NELL2: variants seen among roughly 807,000 people sequenced by gnomAD.
NELL2 encodes the protein protein kinase C-binding protein NELL2.
NELL2 carries 41 observed loss-of-function variants against 109.6 expected under a neutral mutation model. The observed-to-expected ratio is 0.37, with a 90% CI of 0.29 to 0.49. NELL2 has a LOEUF of 0.49. Among genes scored for constraint, NELL2 ranks in the 20% least tolerant of loss-of-function variants. The pLI is 0.98. For synonymous variants in NELL2, 355 were observed against 344.7 expected (o/e 1.03, Z -0.33); for missense variants, 900 against 1,008.3 (o/e 0.89, Z 1.45).
chr12:44,906,686 G>T (rs2703055), intron 1 of NELL2, among the ~76,000 whole-genome samples: 3,695 of 152,100 alleles, frequency 0.024, 163 homozygotes, highest in African/African-American at 0.084. Context: ...AATTCACTGA[G>T]ATGAAAAAAC....
At chr12:44,869,427 C>T (rs1945100912) in intron 2 of NELL2, among the ~76,000 whole-genome samples, 1 of 152,166 alleles carries the variant, frequency 6.6e-6, no homozygotes, top group Admixed American at 6.5e-5. Flanking sequence ...AAGATGTTGA[C>T]AGCCAAGTCA....
At chr12:44,642,186 C>T (rs1315301169) in intron 13 of NELL2, among the ~76,000 whole-genome samples, 1 of 152,114 alleles carries the variant, frequency 6.6e-6, no homozygotes, top group Non-Finnish European at 1.5e-5. Context: ...TGCTGCTAGC[C>T]TACCATCTAG....
intron 1 of NELL2, among the ~76,000 whole-genome samples, chr12:44,888,699 T>A (rs1945501896): frequency 6.6e-6 from 1 of 151,892 alleles, no homozygotes; most frequent in Non-Finnish European, 1.5e-5. Flanking sequence ...ACAAATCATA[T>A]TCTTATTCAC....
At chr12:44,683,990 G>T (rs1026521962) in intron 12 of NELL2, among the ~76,000 whole-genome samples, 3 of 152,176 alleles carry the variant, frequency 2.0e-5, no homozygotes, top group Admixed American at 6.5e-5. Context: ...GTTTCAGAAG[G>T]AATGGTACCA....
At chr12:44,512,755 G>T (rs1224747050) in intron 19 of NELL2, among the ~76,000 whole-genome samples, 1 of 152,024 alleles carries the variant, frequency 6.6e-6, no homozygotes, top group East Asian at 1.9e-4. Flanking sequence ...TTATATGTTG[G>T]AGCTAAAAAA....
At chr12:44,742,478 GAGA>G (rs1940043042) in intron 9 of NELL2, among the ~76,000 whole-genome samples, 1 of 152,218 alleles carries the variant, frequency 6.6e-6, no homozygotes, top group African/African-American at 2.4e-5. Flanking sequence ...GACGAGTTGA[GAGA>G]AGAAGGCTTC....
chr12:44,837,213 A>G lies in NELL2; in HGVS notation c.185-21077T>C, dbSNP rs943828696. 3.3e-5 allele frequency among the ~76,000 whole-genome samples: 5 copies of G among 152,330 alleles called. No homozygotes were observed. The East Asian group carries it at 9.7e-4, about 29-fold the overall frequency. On this transcript the variant is annotated intron_variant, in intron 2 of 19. Transcript: ENST00000429094. ...CTATTAGTGTCCTTATTTTGCAGAA[A>G]GAGTAAGTTATTTGTTCTAGGTCAG...
chr12:44,510,599 G>T (rs1940955841), intron 19 of NELL2, among the ~76,000 whole-genome samples: 1 of 152,192 alleles, frequency 6.6e-6, no homozygotes, highest in Non-Finnish European at 1.5e-5. Context: ...TATCCAAGAA[G>T]AATATTATCA....
chr12:44,835,758 C>T (rs893862751), intron 2 of NELL2, among the ~76,000 whole-genome samples: 3 of 152,158 alleles, frequency 2.0e-5, no homozygotes, highest in Non-Finnish European at 4.4e-5. Context: ...AACTTGGCAA[C>T]ACCTGACACT....
chr12:44,650,753 GTCTTTCTTTCTTTCTTTCTT>G (rs34696718), intron 13 of NELL2, among the ~76,000 whole-genome samples: 1 of 150,452 alleles, frequency 6.6e-6, no homozygotes, highest in Non-Finnish European at 1.5e-5. Context: ...AGAGGTCTCT[GTCTTTCTTTCTTTCTTTCTT>G]TCTTTCTTTC....
intron 19 of NELL2, among the ~76,000 whole-genome samples, chr12:44,515,452 C>A (rs1462808657): frequency 6.6e-6 from 1 of 151,814 alleles, no homozygotes; most frequent in Non-Finnish European, 1.5e-5. Flanking sequence ...AATTTTATAA[C>A]AGGCAAAATG....
intron 2 of NELL2, among the ~76,000 whole-genome samples, chr12:44,856,985 G>A (rs1944703343): frequency 6.6e-6 from 1 of 152,166 alleles, no homozygotes; most frequent in Non-Finnish European, 1.5e-5. Flanking sequence ...GAGGTACAGG[G>A]AGGAAAGGAG....
chr12:44,744,189 C>G (rs773650977), intron 9 of NELL2, among the ~76,000 whole-genome samples: 3 of 152,182 alleles, frequency 2.0e-5, no homozygotes, highest in Non-Finnish European at 2.9e-5. Flanking sequence ...ACAACCTGCT[C>G]TGGAATGACT....
intron 12 of NELL2, among the ~76,000 whole-genome samples, chr12:44,671,312 T>C (rs915839366): frequency 1.3e-5 from 2 of 152,144 alleles, no homozygotes; most frequent in African/African-American, 2.4e-5. Context: ...GGGAAACTTA[T>C]AGTAATAAAT....
intron 2 of NELL2, among the ~76,000 whole-genome samples, chr12:44,852,652 C>G (rs1165268151): frequency 1.3e-5 from 2 of 152,180 alleles, no homozygotes; most frequent in African/African-American, 4.8e-5. Flanking sequence ...TCTGACTTTA[C>G]TAATTTGCTG....
In NELL2 at chr12:44,776,126, TC is replaced by T; in HGVS notation, c.786del (p.Met262IlefsTer15). 1 of 1,613,954 alleles carries T rather than the reference TC, an allele frequency of 6.2e-7. No individual in the cohort carries two copies. Among genetic ancestry groups the T allele is most frequent in the Non-Finnish European group, 8.5e-7 (1 of 1,179,932 alleles). On this transcript the variant is annotated frameshift_variant, in exon 8 of 20. Transcript: ENST00000429094. LOFTEE classifies it high-confidence loss of function. Reference protein sequence around the residue: ...SAKLSRAEQRMNRLDQCYCER... With the variant: ...SAKLSRAEQRXNRLDQCYCER... Reference sequence around the variant, plus strand: ...TCACAATAGCACTGATCCAATCTATTCATTCGCTGTTCAGCTCGAGACAGCT... The same window carrying T: ...TCACAATAGCACTGATCCAATCTATTATTCGCTGTTCAGCTCGAGACAGCT...
chr12:44,745,613 C>A (rs990236171), intron 9 of NELL2, among the ~76,000 whole-genome samples: 2 of 152,116 alleles, frequency 1.3e-5, no homozygotes, highest in African/African-American at 4.8e-5. Flanking sequence ...TCTCAGGATA[C>A]AAAATCAATG....
At chr12:44,907,015 C>T (rs898619928) in intron 1 of NELL2, among the ~76,000 whole-genome samples, 10 of 152,154 alleles carry the variant, frequency 6.6e-5, no homozygotes, top group African/African-American at 1.7e-4. Flanking sequence ...TACCACCATG[C>T]TGTCCTGATG....
At chr12:44,915,412 C>A (rs1945821576), upstream of NELL2, among the ~76,000 whole-genome samples, 1 of 152,152 alleles carries the variant, frequency 6.6e-6, no homozygotes, top group Non-Finnish European at 1.5e-5. Flanking sequence ...CTTCTCTTCT[C>A]AGTAAATGAA....
Sources: allele counts gnomAD v4.1 joint callset (sites outside exome capture counted in the v4.1 genomes callset), GRCh38; gene constraint gnomAD v4.1.1; transcripts MANE v1.5; gene names NCBI Gene and HGNC (gene_info 2026-07-23, HGNC 2026-07-21).